ITGBL1: variants seen among roughly 807,000 people sequenced by gnomAD.
ITGBL1 encodes integrin subunit beta like 1, also known as integrin beta-like protein 1.
A neutral mutation model predicts 68.5 loss-of-function variants in ITGBL1; 51 were observed. The observed-to-expected ratio is 0.74, with a 90% CI of 0.59 to 0.94. ITGBL1 has a LOEUF of 0.94. ITGBL1 is among the 40% of genes least tolerant of loss of function. The pLI, the probability that ITGBL1 is intolerant of heterozygous loss-of-function variation, is 0.00. For missense variants in ITGBL1, 649 were observed against 647.4 expected, an observed-to-expected ratio of 1.00 and a Z score of -0.03; for synonymous variants, 209 against 227.3, an observed-to-expected ratio of 0.92 and a Z score of 0.72.
chr13:101,461,431 C>G (rs991730443), intron 2 of ITGBL1, among the ~76,000 whole-genome samples: 1 of 152,052 alleles, frequency 6.6e-6, no homozygotes, highest in Admixed American at 6.6e-5. Context: ...TGGCTCACAT[C>G]GCCTGTAATC....
At chr13:101,471,530 GTA>G (rs1484135771) in intron 2 of ITGBL1, among the ~76,000 whole-genome samples, 74 of 51,262 alleles carry the variant, frequency 1.4e-3, no homozygotes, top group East Asian at 2.0e-3. Flanking sequence ...GTGTGTGTAT[GTA>G]TGTGTGTGTG....
At position 101,457,272 on chromosome 13, in the gene ITGBL1, C is replaced by T. The variant is rs552891852; in HGVS notation, c.316+3172C>T. ...CCCAGTGTTTGTTGGGCATTTAATG[C>T]AGTGAGAGCAATTTACTTCTCTTCA... On this transcript the variant is annotated intron_variant, in intron 2 of 10. Transcript: ENST00000376180. 2.0e-5 allele frequency among the ~76,000 whole-genome samples: 3 copies of T among 152,250 alleles called. No homozygotes were observed. The South Asian group carries it at 6.2e-4, about 32-fold the overall frequency.
chr13:101,579,458 G>T (rs748251568), intron 5 of ITGBL1, 31 bp downstream of exon 5: 6 of 1,603,148 alleles, frequency 3.7e-6, no homozygotes, highest in East Asian at 2.2e-5. Context: ...ACTACATAAT[G>T]GGGAGGCAAA....
chr13:101,636,845 A>G (rs1048944624), intron 7 of ITGBL1, among the ~76,000 whole-genome samples: 1 of 152,160 alleles, frequency 6.6e-6, no homozygotes, highest in Non-Finnish European at 1.5e-5. Flanking sequence ...CATATTATTT[A>G]TTTGGATGCC....
At chr13:101,653,529 A>G (rs891078520) in intron 7 of ITGBL1, among the ~76,000 whole-genome samples, 10 of 152,226 alleles carry the variant, frequency 6.6e-5, no homozygotes, top group Admixed American at 6.5e-4. Context: ...TGTGAATTAC[A>G]TTGGTGTTCA....
chr13:101,630,034 G>A (rs1184130374), intron 7 of ITGBL1, among the ~76,000 whole-genome samples: 1 of 152,060 alleles, frequency 6.6e-6, no homozygotes, highest in East Asian at 1.9e-4. Context: ...ATGTTGGCCA[G>A]GCTGGTCTTG....
intron 8 of ITGBL1, among the ~76,000 whole-genome samples, chr13:101,696,063 T>C (rs2033994603): frequency 6.6e-6 from 1 of 152,138 alleles, no homozygotes; most frequent in Non-Finnish European, 1.5e-5. Context: ...TCAACATCTG[T>C]GCAGTGTGGA....
chr13:101,556,233 C>T (rs895523846), intron 2 of ITGBL1, among the ~76,000 whole-genome samples: 1 of 152,146 alleles, frequency 6.6e-6, no homozygotes, highest in Non-Finnish European at 1.5e-5. Context: ...CCCAGTACCT[C>T]AGGATGTGAT....
chr13:101,669,113 T>TAA (rs140112067), intron 7 of ITGBL1, among the ~76,000 whole-genome samples: 5 of 148,074 alleles, frequency 3.4e-5, no homozygotes, highest in African/African-American at 1.2e-4. Flanking sequence ...CCTTTTTCGT[T>TAA]AAAAAAAAAA....
intron 7 of ITGBL1, among the ~76,000 whole-genome samples, chr13:101,673,510 C>A (rs1384469134): frequency 1.3e-5 from 2 of 152,122 alleles, no homozygotes; most frequent in African/African-American, 4.8e-5. Flanking sequence ...CCCCTTTGGG[C>A]AAGTTGTGAT....
intron 7 of ITGBL1, among the ~76,000 whole-genome samples, chr13:101,605,562 G>T (rs908951953): frequency 6.6e-6 from 1 of 151,096 alleles, no homozygotes; most frequent in African/African-American, 2.4e-5. Flanking sequence ...TTAGACATAT[G>T]TATATGCGTA....
Position 101,522,890 on chromosome 13 carries a change from A to T in ITGBL1, c.317-44809A>T, listed in dbSNP as rs762938730. 6.6e-5 allele frequency among the ~76,000 whole-genome samples: 10 copies of T among 152,216 alleles called. No homozygotes were observed. The South Asian group carries it at 8.3e-4, about 13-fold the overall frequency. ...AATGGAATAAAGTCTTGGAGTTAGG[A>T]CAATGAAGCAATATCTACAAAGGAC... On this transcript the variant is annotated intron_variant, in intron 2 of 10. Coordinates refer to ENST00000376180, the MANE Select transcript of ITGBL1 (RefSeq NM_004791.3).
At chr13:101,598,849 A>G (rs1165008872) in intron 7 of ITGBL1, among the ~76,000 whole-genome samples, 2 of 152,032 alleles carry the variant, frequency 1.3e-5, no homozygotes, top group Admixed American at 6.6e-5. Flanking sequence ...TGGACATTTG[A>G]GTTGGTTCCA....
chr13:101,687,732 C>T (rs1236008113), intron 7 of ITGBL1, among the ~76,000 whole-genome samples: 1 of 152,014 alleles, frequency 6.6e-6, no homozygotes, highest in African/African-American at 2.4e-5. Flanking sequence ...TAGGCAGACT[C>T]AATGTAGAGT....
At position 101,495,111 on chromosome 13, in the gene ITGBL1, A is replaced by G. The variant is rs140589634; in HGVS notation, c.316+41011A>G. Reference sequence around the variant, plus strand: ...GGTTCATGAACTGATCAGCAAGAGCATGGAAGTTGCCAACCCTTTTTAACT... The same window carrying G: ...GGTTCATGAACTGATCAGCAAGAGCGTGGAAGTTGCCAACCCTTTTTAACT... On this transcript the variant is annotated intron_variant, in intron 2 of 10. Transcript: ENST00000376180. Among the ~76,000 whole-genome samples, 433 of 152,358 alleles carry G rather than the reference A, an allele frequency of 2.8e-3. 5 individuals are homozygous for G. Among genetic ancestry groups the G allele is most frequent in the African/African-American group, 9.7e-3 (402 of 41,584 alleles).
At chr13:101,586,169 C>T (rs556043744) in intron 6 of ITGBL1, among the ~76,000 whole-genome samples, 2 of 152,290 alleles carry the variant, frequency 1.3e-5, no homozygotes, top group East Asian at 3.9e-4. Context: ...TAATTTTCCA[C>T]CTCACCTATT....
At chr13:101,528,473 T>G (rs1270867161) in intron 2 of ITGBL1, among the ~76,000 whole-genome samples, 1 of 151,894 alleles carries the variant, frequency 6.6e-6, no homozygotes, top group African/African-American at 2.4e-5. Flanking sequence ...TTTTATTTCC[T>G]TTATTTTAGC....
chr13:101,590,416 T>A (rs867618655), intron 6 of ITGBL1, among the ~76,000 whole-genome samples: 8 of 152,050 alleles, frequency 5.3e-5, no homozygotes, highest in African/African-American at 1.9e-4. Flanking sequence ...AGGGAGGGAA[T>A]CCTCCTGTGG....
chr13:101,692,483 C>G, intron 7 of ITGBL1, 102 bp from the exon 8 acceptor site: 1 of 756,912 alleles, frequency 1.3e-6, no homozygotes, highest in South Asian at 1.5e-5. Flanking sequence ...CAGACTGGAA[C>G]TATTCTAGGA....
Sources: allele counts gnomAD v4.1 joint callset (sites outside exome capture counted in the v4.1 genomes callset), GRCh38; gene constraint gnomAD v4.1.1; transcripts MANE v1.5; gene names NCBI Gene and HGNC (gene_info 2026-07-23, HGNC 2026-07-21).